ME3: variants seen among roughly 807,000 people sequenced by gnomAD.
ME3 encodes NADP-dependent malic enzyme, mitochondrial.
In ME3, 48 loss-of-function variants were observed where a neutral mutation model predicts 68.9. That is an observed-to-expected ratio of 0.70 (90% CI 0.55 to 0.89). The LOEUF (loss-of-function observed/expected upper bound fraction) is 0.89. Among genes scored for constraint, ME3 ranks in the 40% least tolerant of loss-of-function variants. ME3 has a pLI of 0.00. For synonymous variants in ME3, 320 were observed against 318.8 expected (o/e 1.00, Z -0.04); for missense variants, 675 against 797.4 (o/e 0.85, Z 1.85).
At chr11:86,602,961 A>T (rs1487338817) in intron 2 of ME3, among the ~76,000 whole-genome samples, 1 of 152,240 alleles carries the variant, frequency 6.6e-6, no homozygotes, top group Non-Finnish European at 1.5e-5. Context: ...AAGGTGGATT[A>T]AAGACTTAAA....
At chr11:86,595,809 C>G (rs991440599) in intron 2 of ME3, among the ~76,000 whole-genome samples, 4 of 152,194 alleles carry the variant, frequency 2.6e-5, no homozygotes, top group African/African-American at 9.6e-5. Context: ...AACAAAATGC[C>G]ACAGCCAGAA....
rs1387036928 is a variant in ME3, at chr11:86,595,304, TATAGAGAG to T, written c.184-35489_184-35482del. On this transcript the variant is annotated intron_variant, in intron 2 of 14. Transcript: ENST00000543262. ...ATATATACATATACATATATATATA[TATAGAGAG>T]AGAGAGAGAGAGAGAGAGAGCTTAT... Among the ~76,000 whole-genome samples the T allele has an allele frequency of 3.2e-4, 30 of 94,576 alleles. 2 individuals are homozygous for T. The highest frequency in any genetic ancestry group is 4.9e-4 in the Non-Finnish European group (23 of 47,030). The allele number at this position is 94,576 out of a possible 152,430, so 62.0% of individuals were successfully genotyped here.
intron 2 of ME3, among the ~76,000 whole-genome samples, chr11:86,647,383 G>C (rs1372818998): frequency 2.0e-5 from 3 of 152,064 alleles, no homozygotes; most frequent in Non-Finnish European, 2.9e-5. Context: ...TACTCGGGAG[G>C]CTGAGGCAGG....
At chr11:86,531,448 T>C (rs1184022067) in intron 4 of ME3, among the ~76,000 whole-genome samples, 1 of 152,186 alleles carries the variant, frequency 6.6e-6, no homozygotes, top group Non-Finnish European at 1.5e-5. Context: ...TGGCAATTCC[T>C]CAGGGATCTA....
At chr11:86,609,637 T>C (rs1350672916) in intron 2 of ME3, among the ~76,000 whole-genome samples, 2 of 152,168 alleles carry the variant, frequency 1.3e-5, no homozygotes, top group African/African-American at 4.8e-5. Context: ...AGTTAAAACA[T>C]ACTGAAGAAT....
At chr11:86,457,517 CA>C in intron 8 of ME3, 3 of 1,129,832 alleles carry the variant, frequency 2.7e-6, no homozygotes, top group Non-Finnish European at 3.3e-6. Flanking sequence ...GGCCAGAACT[CA>C]AGAGGAAAAA....
intron 2 of ME3, among the ~76,000 whole-genome samples, chr11:86,610,607 G>A (rs1217946080): frequency 6.6e-6 from 1 of 151,914 alleles, no homozygotes; most frequent in Admixed American, 6.6e-5. Flanking sequence ...TGCTGCTCAG[G>A]GTGGCTGTGC....
chr11:86,533,273 AAAG>A (rs1955396425), intron 4 of ME3, among the ~76,000 whole-genome samples: 1 of 152,294 alleles, frequency 6.6e-6, no homozygotes, highest in Non-Finnish European at 1.5e-5. Context: ...ACTATGAAAA[AAAG>A]AGAGAAGACT....
intron 7 of ME3, among the ~76,000 whole-genome samples, chr11:86,486,750 C>T (rs972369303): frequency 6.6e-6 from 1 of 152,208 alleles, no homozygotes; most frequent in Non-Finnish European, 1.5e-5. Context: ...ACGTCAGCCA[C>T]AGCAGTGTGA....
At chr11:86,506,061 T>C (rs2139076016) in intron 5 of ME3, among the ~76,000 whole-genome samples, 1 of 152,372 alleles carries the variant, frequency 6.6e-6, no homozygotes, top group Middle Eastern at 3.4e-3. Flanking sequence ...TCTCTGTATC[T>C]GAACCTCCAG....
chr11:86,666,056 C>T (rs551082159), intron 2 of ME3, among the ~76,000 whole-genome samples: 1 of 152,256 alleles, frequency 6.6e-6, no homozygotes, highest in South Asian at 2.1e-4. Context: ...ATGAAAGCTT[C>T]ATATCAACAT....
chr11:86,646,676 C>T (rs1945038323), intron 2 of ME3, among the ~76,000 whole-genome samples: 1 of 152,122 alleles, frequency 6.6e-6, no homozygotes, highest in African/African-American at 2.4e-5. Context: ...GACAGGCCAA[C>T]ATTCAAATTC....
At chr11:86,498,977 G>A (rs1952544464) in intron 5 of ME3, among the ~76,000 whole-genome samples, 1 of 152,118 alleles carries the variant, frequency 6.6e-6, no homozygotes, top group Admixed American at 6.5e-5. Flanking sequence ...CTAAAGGAGA[G>A]ATGGAATGTA....
At chr11:86,588,753 G>A (rs1266660920) in intron 2 of ME3, among the ~76,000 whole-genome samples, 1 of 152,092 alleles carries the variant, frequency 6.6e-6, no homozygotes, top group Non-Finnish European at 1.5e-5. Context: ...CTGTTAATGG[G>A]CTCAATTCAT....
exon 10 of ME3, chr11:86,449,990 T>C: frequency 6.2e-7 from 1 of 1,611,790 alleles, no homozygotes; most frequent in Non-Finnish European, 8.5e-7. Flanking sequence ...AGGTGGGCAA[T>C]GCCCATAGCT....
At chr11:86,669,760 A>G (rs962389335) in intron 2 of ME3, among the ~76,000 whole-genome samples, 2 of 152,212 alleles carry the variant, frequency 1.3e-5, no homozygotes, top group Admixed American at 6.5e-5. Context: ...AAAAATTTAC[A>G]TCAGAGGCAA....
intron 2 of ME3, among the ~76,000 whole-genome samples, chr11:86,627,023 G>C (rs148658599): frequency 1.1e-4 from 16 of 152,252 alleles, no homozygotes; most frequent in African/African-American, 3.9e-4. Flanking sequence ...GAGGGAGAAG[G>C]GTTTTCCAAA....
At chr11:86,497,839 G>A (rs540458943) in intron 6 of ME3, 124 bp downstream of exon 6, 87 of 1,136,532 alleles carry the variant, frequency 7.7e-5, no homozygotes, top group East Asian at 2.8e-4. Flanking sequence ...TGCCCTGGTC[G>A]GGAGGATGCC....
intron 2 of ME3, among the ~76,000 whole-genome samples, chr11:86,632,283 G>C (rs548534387): frequency 6.6e-6 from 1 of 152,258 alleles, no homozygotes; most frequent in Admixed American, 6.5e-5. Flanking sequence ...ACAGTTTGTG[G>C]GGAAGTAGTG....
Sources: allele counts gnomAD v4.1 joint callset (sites outside exome capture counted in the v4.1 genomes callset), GRCh38; gene constraint gnomAD v4.1.1; transcripts MANE v1.5; gene names NCBI Gene and HGNC (gene_info 2026-07-23, HGNC 2026-07-21).